Variants in PKNOX2 observed in about 807,000 individuals in gnomAD.
PKNOX2 encodes homeobox protein PKNOX2.
PKNOX2 carries 14 observed loss-of-function variants against 53.1 expected under a neutral mutation model. The ratio of observed to expected loss-of-function variants is 0.26; its 90% CI spans 0.17 to 0.41. The LOEUF (loss-of-function observed/expected upper bound fraction) is 0.41, where lower values mean the gene tolerates loss of function less well. Among genes scored for constraint, PKNOX2 ranks in the 10% least tolerant of loss-of-function variants. PKNOX2 has a pLI of 1.00. For synonymous variants in PKNOX2, 257 were observed against 242.8 expected, an observed-to-expected ratio of 1.06 and a Z score of -0.54; for missense variants, 496 against 602.8, an observed-to-expected ratio of 0.82 and a Z score of 1.85.
At chr11:125,364,409 A>G (rs115151766) in intron 4 of PKNOX2, among the ~76,000 whole-genome samples, 2,083 of 152,222 alleles carry the variant, frequency 0.014, 47 homozygotes, top group African/African-American at 0.046. Flanking sequence ...GCAAGTGACC[A>G]TTTTTGATTT....
intron 1 of PKNOX2, among the ~76,000 whole-genome samples, chr11:125,168,127 TGG>T (rs1395067437): frequency 6.6e-6 from 1 of 152,190 alleles, no homozygotes; most frequent in Non-Finnish European, 1.5e-5. Context: ...AATATTTACT[TGG>T]GACTGGGGGA....
chr11:125,369,718 G>A (rs1952421030), intron 5 of PKNOX2, among the ~76,000 whole-genome samples: 1 of 152,192 alleles, frequency 6.6e-6, no homozygotes, highest in Non-Finnish European at 1.5e-5. Flanking sequence ...CAGAGAAGCT[G>A]GGAATGGGGA....
rs1956692583 is a variant in PKNOX2 at position 125,431,323 on chromosome 11, G to A, written c.1350G>A (p.Glu450=). The change falls in exon 13 of 13, where the codon GAG becomes GAA. Residue 450 remains glutamate (E), a synonymous_variant. Coordinates refer to ENST00000298282, the MANE Select transcript of PKNOX2 (RefSeq NM_001382323.2). ...AGGAGGAGGAGGAGGAGCTGGAGGA[G>A]GAGGTCGACGAGCTGCAGACGACAA... is the stretch of plus-strand genomic sequence containing the variant. ...MEEEEEEELE[E]EVDELQTTNV... 3.1e-6 allele frequency: 5 copies of A among 1,613,870 alleles called. No homozygotes were observed. The highest frequency in any genetic ancestry group is 4.2e-6 in the Non-Finnish European group (5 of 1,179,984).
chr11:125,292,951 G>C (rs1266554593), intron 2 of PKNOX2, among the ~76,000 whole-genome samples: 1 of 152,198 alleles, frequency 6.6e-6, no homozygotes, highest in Non-Finnish European at 1.5e-5. Flanking sequence ...TTGGTGTTTT[G>C]CGGGGAGCGT....
At chr11:125,213,807 A>G (rs1208708242) in intron 1 of PKNOX2, among the ~76,000 whole-genome samples, 1 of 152,098 alleles carries the variant, frequency 6.6e-6, no homozygotes, top group African/African-American at 2.4e-5. Flanking sequence ...TTCTACGGCA[A>G]TTCTGGCCAC....
chr11:125,281,332 G>C (rs1202816914), intron 2 of PKNOX2, among the ~76,000 whole-genome samples: 7 of 152,188 alleles, frequency 4.6e-5, no homozygotes, highest in Admixed American at 3.9e-4. Context: ...TGGCTGACCT[G>C]CCATCATGTG....
intron 1 of PKNOX2, among the ~76,000 whole-genome samples, chr11:125,206,203 C>T (rs1045373464): frequency 5.3e-5 from 8 of 151,860 alleles, no homozygotes; most frequent in African/African-American, 1.5e-4. Flanking sequence ...GGGGGAGAAC[C>T]GAGAAGGAAA....
chr11:125,193,464 T>G (rs146870602), intron 1 of PKNOX2, among the ~76,000 whole-genome samples: 1 of 152,338 alleles, frequency 6.6e-6, no homozygotes, highest in African/African-American at 2.4e-5. Flanking sequence ...AAAGCGAGCC[T>G]TCTGTCCGTG....
intron 2 of PKNOX2, among the ~76,000 whole-genome samples, chr11:125,262,856 C>T (rs1008191990): frequency 6.6e-6 from 1 of 152,170 alleles, no homozygotes; most frequent in Non-Finnish European, 1.5e-5. Context: ...CCTCTACTCA[C>T]GTACCCTCCT....
intron 2 of PKNOX2, among the ~76,000 whole-genome samples, chr11:125,293,789 T>TCA (rs1018337701): frequency 1.3e-5 from 2 of 149,570 alleles, no homozygotes; most frequent in South Asian, 2.1e-4. Flanking sequence ...ACAGACACGC[T>TCA]CACACACACA....
At chr11:125,289,333 G>A (rs1947152448) in intron 2 of PKNOX2, among the ~76,000 whole-genome samples, 1 of 152,198 alleles carries the variant, frequency 6.6e-6, no homozygotes, top group African/African-American at 2.4e-5. Context: ...CAGTGATCCA[G>A]GCAGACAATG....
intron 2 of PKNOX2, among the ~76,000 whole-genome samples, chr11:125,330,800 C>G (rs1302170119): frequency 3.9e-5 from 6 of 152,226 alleles, no homozygotes; most frequent in Non-Finnish European, 8.8e-5. Context: ...GCCTGGCCCA[C>G]TGTTTAGCTC....
intron 1 of PKNOX2, among the ~76,000 whole-genome samples, chr11:125,234,239 T>C (rs184936428): frequency 6.6e-6 from 1 of 152,368 alleles, no homozygotes; most frequent in Admixed American, 6.5e-5. Context: ...CTGTACACTT[T>C]AGCACAACTT....
At chr11:125,254,158 G>A (rs1944220363) in intron 2 of PKNOX2, among the ~76,000 whole-genome samples, 1 of 152,176 alleles carries the variant, frequency 6.6e-6, no homozygotes, top group East Asian at 1.9e-4. Context: ...GACGTCCTCA[G>A]CAAAAATTTA....
intron 1 of PKNOX2, among the ~76,000 whole-genome samples, chr11:125,178,614 GAAAGAAAGAAAGAAAGAAAGAAAGAAA>G (rs1955893611): frequency 2.6e-4 from 16 of 60,812 alleles, no homozygotes; most frequent in African/African-American, 1.5e-3. Context: ...AGGAAGGAAA[GAAAGAAAGAAAGAAAGAAAGAAAGAAA>G]GAAAGAAGGA....
At chr11:125,260,517 T>C (rs914599679) in intron 2 of PKNOX2, among the ~76,000 whole-genome samples, 6 of 152,128 alleles carry the variant, frequency 3.9e-5, no homozygotes, top group African/African-American at 1.4e-4. Context: ...TTTTTTTTAA[T>C]CAGAAAGGTG....
chr11:125,338,123 G>A (rs965689020), intron 3 of PKNOX2, among the ~76,000 whole-genome samples: 4 of 152,174 alleles, frequency 2.6e-5, no homozygotes, highest in African/African-American at 9.7e-5. Flanking sequence ...TCCGCTCTCT[G>A]TCCCCCTTGG....
rs759942207 is a variant in PKNOX2 at position 125,407,747 on chromosome 11, CA to C, written c.589-2446del. 1.0e-3 allele frequency among the ~76,000 whole-genome samples: 115 copies of C among 114,924 alleles called. 1 individual carries two copies. In the South Asian group the frequency reaches 0.01, roughly 10 times the overall value. 75.4% of individuals were successfully genotyped at this position (114,924 alleles called of 152,430 possible). Reference sequence around the variant, plus strand: ...AGACTCTCTACCCTGTCTCAAAAAACAAACAAAAAAAAAAGTAAATTTACCT... The same window carrying C: ...AGACTCTCTACCCTGTCTCAAAAAACAACAAAAAAAAAAGTAAATTTACCT... On this transcript the variant is annotated intron_variant, in intron 7 of 12. Transcript: ENST00000298282.
chr11:125,258,372 T>C (rs1444687874), intron 2 of PKNOX2, among the ~76,000 whole-genome samples: 1 of 152,196 alleles, frequency 6.6e-6, no homozygotes, highest in Non-Finnish European at 1.5e-5. Flanking sequence ...TTAGTGAAGC[T>C]GGTTTTCTGC....
Sources: allele counts gnomAD v4.1 joint callset (sites outside exome capture counted in the v4.1 genomes callset), GRCh38; gene constraint gnomAD v4.1.1; transcripts MANE v1.5; gene names NCBI Gene and HGNC (gene_info 2026-07-23, HGNC 2026-07-21).